NOS1: variants seen among roughly 807,000 people sequenced by gnomAD.
The protein encoded by NOS1 is NOS type I.
NOS1 carries 51 observed loss-of-function variants against 164.5 expected under a neutral mutation model. The ratio of observed to expected loss-of-function variants is 0.31; its 90% CI spans 0.25 to 0.39. NOS1 has a LOEUF of 0.39. NOS1 is among the 10% of genes least tolerant of loss of function. The probability of loss-of-function intolerance (pLI) is 1.00; values close to 1 mark genes in which losing one functional copy is unlikely to be tolerated. For synonymous variants in NOS1, 719 were observed against 745.8 expected, an observed-to-expected ratio of 0.96 and a Z score of 0.59; for missense variants, 1,362 against 1,885.6, an observed-to-expected ratio of 0.72 and a Z score of 5.14.
chr12:117,311,517 C>A lies in NOS1; in HGVS notation c.801G>T (p.Gly267=). The A allele has an allele frequency of 6.2e-7, 1 of 1,612,524 alleles. No individual in the cohort carries two copies. Among genetic ancestry groups the A allele is most frequent in the Non-Finnish European group, 8.5e-7 (1 of 1,179,382 alleles). The change falls in exon 3 of 29, where the codon GGG becomes GGT. Residue 267 remains glycine (G), a synonymous_variant. Transcript: ENST00000317775. ...ENDRVFNDLW[G]KGNVPVVLNN... is the part of the protein sequence containing the mutation. ...TGAGGACGACAGGCACATTGCCCTTCCCCCATAGGTCATTGAAGACTCGGT... is the reference window on the plus strand; with the variant it reads ...TGAGGACGACAGGCACATTGCCCTTACCCCATAGGTCATTGAAGACTCGGT...
chr12:117,242,350 C>T (rs9658478), intron 20 of NOS1, among the ~76,000 whole-genome samples: 1 of 152,194 alleles, frequency 6.6e-6, no homozygotes, highest in African/African-American at 2.4e-5. Context: ...TGTGGCGAAG[C>T]TACAGGGGTG....
intron 16 of NOS1, among the ~76,000 whole-genome samples, chr12:117,254,876 A>G (rs889180142): frequency 1.3e-5 from 2 of 152,162 alleles, no homozygotes; most frequent in Non-Finnish European, 1.5e-5. Flanking sequence ...GTCCTTCCAT[A>G]AAGTTATGGT....
chr12:117,257,047 T>A (rs1183661864), intron 16 of NOS1, among the ~76,000 whole-genome samples: 1 of 152,086 alleles, frequency 6.6e-6, no homozygotes, highest in Non-Finnish European at 1.5e-5. Flanking sequence ...ACTCCAGCCT[T>A]GGTGATAACA....
chr12:117,228,418 C>T (rs960726475), intron 22 of NOS1, among the ~76,000 whole-genome samples: 108 of 152,086 alleles, frequency 7.1e-4, no homozygotes, highest in African/African-American at 2.5e-3. Context: ...CAGGGAGTGG[C>T]AGGCATTCAG....
Position 117,232,041 on chromosome 12 carries a change from G to A in NOS1, c.3326C>T (p.Pro1109Leu). The change falls in exon 22 of 29, where the codon CCA becomes CTA. Residue 1109 changes from proline (P) to leucine (L), a missense_variant. Pro to Leu is a moderately conservative substitution (Grantham distance 98). This residue lies in a region of NOS1 where 737 missense variants were observed against 1,030.3 expected (regional missense o/e 0.72). Coordinates refer to ENST00000317775, the MANE Select transcript of NOS1 (RefSeq NM_000620.5). ...FKYYLDITTPPTPLQLQQFAS... is the reference protein window; with the variant it reads ...FKYYLDITTPLTPLQLQQFAS... ...AAACTGCTGCAGCTGCAGAGGCGTT[G>A]GTGGCGTGGTGATGTCCAGGTAGTA... The A allele has an allele frequency of 2.5e-6, 4 of 1,612,576 alleles. No individual in the cohort carries two copies. The highest frequency in any genetic ancestry group is 3.4e-6 in the Non-Finnish European group (4 of 1,180,012).
chr12:117,235,614 G>A (rs980830300), intron 20 of NOS1, among the ~76,000 whole-genome samples: 2 of 152,190 alleles, frequency 1.3e-5, no homozygotes, highest in African/African-American at 4.8e-5. Context: ...AGAAAACACA[G>A]AAGGAAACTC....
chr12:117,297,417 G>T (rs548800203), intron 3 of NOS1, among the ~76,000 whole-genome samples: 1 of 152,266 alleles, frequency 6.6e-6, no homozygotes, highest in East Asian at 1.9e-4. Context: ...TTGAGATAGA[G>T]TTTTGCTCTT....
chr12:117,302,141 A>G (rs979276773), intron 3 of NOS1: 3 of 456,370 alleles, frequency 6.6e-6, no homozygotes, highest in African/African-American at 6.0e-5. Context: ...ATGGACTTAA[A>G]GTGCTTAGCA....
At chr12:117,333,531 G>C (rs1233346384) in intron 1 of NOS1, among the ~76,000 whole-genome samples, 2 of 152,098 alleles carry the variant, frequency 1.3e-5, no homozygotes, top group Admixed American at 1.3e-4. Context: ...TCCCCTCAAT[G>C]GGGGGGTGTG....
chr12:117,218,218 G>A, intron 27 of NOS1, 54 bp from the exon 28 acceptor site: 1 of 1,335,484 alleles, frequency 7.5e-7, no homozygotes, highest in Non-Finnish European at 1.1e-6. Flanking sequence ...TAAAGGCTTG[G>A]AGCAGGGGCA....
chr12:117,247,499 G>A lies in NOS1; in HGVS notation c.2672C>T (p.Ser891Leu). 6.2e-7 allele frequency: 1 copy of A among 1,610,898 alleles called. No homozygotes were observed. Among genetic ancestry groups the A allele is most frequent in the Non-Finnish European group, 8.5e-7 (1 of 1,178,810 alleles). The change falls in exon 18 of 29, where the codon TCA (serine) becomes TTA (leucine). Residue 891 changes from serine to leucine, a missense_variant. Ser to Leu is a moderately radical substitution (Grantham distance 145). This residue lies in a region of NOS1 where 737 missense variants were observed against 1,030.3 expected (regional missense o/e 0.72). Transcript: ENST00000317775. ...GGCGCAAAAGTGAGGGTATGCTCGT[G>A]AGCCGAGGCCAAAAACTGAGAACCT... ...NVRFSVFGLG[S>L]RAYPHFCAFG...
chr12:117,290,213 C>A, intron 4 of NOS1, 85 bp downstream of exon 4: 2 of 1,518,594 alleles, frequency 1.3e-6, no homozygotes, highest in Non-Finnish European at 1.8e-6. Flanking sequence ...AGAGGACAGC[C>A]CCCACAACAA....
intron 16 of NOS1, among the ~76,000 whole-genome samples, chr12:117,254,429 C>G (rs1344051016): frequency 6.6e-6 from 1 of 152,172 alleles, no homozygotes; most frequent in African/African-American, 2.4e-5. Context: ...TTAATGTGTA[C>G]AAGAATCATC....
Position 117,292,007 on chromosome 12 carries a change from T to C in NOS1, c.853-1581A>G, listed in dbSNP as rs562842565. On this transcript the variant is annotated intron_variant, in intron 3 of 28. Transcript: ENST00000317775. ...AGGGAGAAGATGAGCCAATGTTAAG[T>C]GACACTCATGCAAAGAGTACATCAG... Among the ~76,000 whole-genome samples the C allele has an allele frequency of 2.0e-5, 3 of 152,270 alleles. No homozygotes were observed. The East Asian group carries it at 5.8e-4, about 29-fold the overall frequency.
At chr12:117,215,424 G>A (rs1566021502) in intron 28 of NOS1, 100 bp from the exon 29 acceptor site, 2 of 1,351,116 alleles carry the variant, frequency 1.5e-6, no homozygotes, top group Non-Finnish European at 1.9e-6. Context: ...TGGGCTCAGG[G>A]GCTTTGTCTC....
At chr12:117,215,441 T>C in intron 28 of NOS1, 117 bp from the exon 29 acceptor site, 2 of 1,071,850 alleles carry the variant, frequency 1.9e-6, no homozygotes, top group Middle Eastern at 2.6e-4. Flanking sequence ...TCTCTTTCTT[T>C]TTTTTTTTTT....
intron 9 of NOS1, among the ~76,000 whole-genome samples, chr12:117,275,861 C>T (rs960877267): frequency 1.3e-5 from 2 of 151,940 alleles, no homozygotes; most frequent in African/African-American, 4.8e-5. Flanking sequence ...AGTGTGTTAG[C>T]AACTCCCCTT....
Position 117,208,557 on chromosome 12 carries a change from T to C in NOS1, c.*6752A>G, listed in dbSNP as rs1956478256. On this transcript the variant is annotated 3_prime_UTR_variant, in exon 29 of 29. Transcript: ENST00000317775. ...GAGCCAGGAGTGTGAGTCTTAACAA[T>C]CACAACGAGAACACAACAATGAAAA... The C allele has an allele frequency of 5.0e-6, 6 of 1,204,106 alleles. No homozygotes were observed. Among genetic ancestry groups the C allele is most frequent in the Non-Finnish European group, 6.3e-6 (6 of 945,386 alleles). The allele number at this position is 1,204,106 out of a possible 1,614,324, so 74.6% of individuals were successfully genotyped here.
chr12:117,221,209 G>A (rs1372980607), intron 26 of NOS1, among the ~76,000 whole-genome samples: 1 of 151,764 alleles, frequency 6.6e-6, no homozygotes, highest in Non-Finnish European at 1.5e-5. Flanking sequence ...CTGGAGTGCA[G>A]TGGCATGATC....
Sources: allele counts gnomAD v4.1 joint callset (sites outside exome capture counted in the v4.1 genomes callset), GRCh38; gene constraint gnomAD v4.1.1; regional missense constraint gnomAD v4.1.1; transcripts MANE v1.5; gene names NCBI Gene and HGNC (gene_info 2026-07-23, HGNC 2026-07-21).